DLGAP4: variants seen among roughly 807,000 people sequenced by gnomAD.
The protein encoded by DLGAP4 is disks large-associated protein 4.
A neutral mutation model predicts 86.9 loss-of-function variants in DLGAP4; 18 were observed. The ratio of observed to expected loss-of-function variants is 0.21; its 90% confidence interval spans 0.14 to 0.31. The LOEUF is 0.31. DLGAP4 is among the 10% of genes least tolerant of loss of function. The pLI is 1.00. For synonymous variants in DLGAP4, 548 were observed against 574.3 expected, an observed-to-expected ratio of 0.95 and a Z score of 0.65; for missense variants, 1,085 against 1,362.6, an observed-to-expected ratio of 0.80 and a Z score of 3.21.
intron 7 of DLGAP4, among the ~76,000 whole-genome samples, chr20:36,467,042 C>G (rs2034424965): frequency 7.6e-6 from 1 of 131,068 alleles, no homozygotes; most frequent in Non-Finnish European, 1.5e-5. Context: ...CTCTCTCTCT[C>G]TCTCTCTCTC....
intron 1 of DLGAP4, among the ~76,000 whole-genome samples, chr20:36,331,421 C>G (rs2065266919): frequency 1.3e-5 from 2 of 152,240 alleles, no homozygotes; most frequent in African/African-American, 4.8e-5. Flanking sequence ...TAATCCACCT[C>G]ATTACCTCCC....
At chr20:36,334,062 A>C (rs1240182753) in intron 1 of DLGAP4, among the ~76,000 whole-genome samples, 1 of 152,202 alleles carries the variant, frequency 6.6e-6, no homozygotes, top group African/African-American at 2.4e-5. Flanking sequence ...TTCAGCAAAC[A>C]CAGATTGAGC....
At chr20:36,508,121 C>T (rs568346543) in intron 10 of DLGAP4, 3 of 152,014 alleles carry the variant, frequency 2.0e-5, no homozygotes, top group Non-Finnish European at 2.9e-5. Flanking sequence ...AAGCCCAAGG[C>T]GGGGCTTCAG....
At chr20:36,421,622 G>GT (rs1224031164) in intron 2 of DLGAP4, among the ~76,000 whole-genome samples, 1 of 152,026 alleles carries the variant, frequency 6.6e-6, no homozygotes, top group Non-Finnish European at 1.5e-5. Context: ...AGGGAGACTT[G>GT]TTTTTACAGT....
At chr20:36,461,751 G>GGGC in intron 7 of DLGAP4, 6 of 618,808 alleles carry the variant, frequency 9.7e-6, no homozygotes, top group Non-Finnish European at 1.1e-5. Flanking sequence ...CCGTCCGTCC[G>GGGC]CCCGCCCGCC....
At chr20:36,312,213 A>G (rs1400552436) in intron 1 of DLGAP4, among the ~76,000 whole-genome samples, 1 of 152,178 alleles carries the variant, frequency 6.6e-6, no homozygotes, top group African/African-American at 2.4e-5. Context: ...CTCATCTCTC[A>G]GGCTTCTCAC....
intron 2 of DLGAP4, among the ~76,000 whole-genome samples, chr20:36,409,381 A>C (rs1284175654): frequency 6.8e-6 from 1 of 147,498 alleles, no homozygotes; most frequent in Non-Finnish European, 1.5e-5. Context: ...AGTAAAATAA[A>C]AAAAATTTTT....
intron 1 of DLGAP4, among the ~76,000 whole-genome samples, chr20:36,316,377 C>T (rs960179826): frequency 5.9e-5 from 9 of 152,082 alleles, no homozygotes; most frequent in African/African-American, 2.2e-4. Context: ...ATGCCCAGAA[C>T]CTTCCATGTC....
intron 7 of DLGAP4, among the ~76,000 whole-genome samples, chr20:36,494,441 A>C (rs2035795147): frequency 6.6e-6 from 1 of 152,242 alleles, no homozygotes; most frequent in Non-Finnish European, 1.5e-5. Context: ...ATTTTTAGAT[A>C]ATTGTAGATT....
chr20:36,505,436 G>C (rs1427746770), intron 10 of DLGAP4, among the ~76,000 whole-genome samples: 1 of 152,042 alleles, frequency 6.6e-6, no homozygotes, highest in Admixed American at 6.6e-5. Flanking sequence ...GTTTTGTGTG[G>C]GTAGGGCTTG....
chr20:36,509,613 TGTG>T (rs2036576466), intron 10 of DLGAP4, among the ~76,000 whole-genome samples: 1 of 151,866 alleles, frequency 6.6e-6, no homozygotes, highest in Admixed American at 6.6e-5. Flanking sequence ...AGCTGAGCAT[TGTG>T]GTGTACACCT....
chr20:36,448,017 C>T (rs2033643588), intron 7 of DLGAP4, among the ~76,000 whole-genome samples: 1 of 138,816 alleles, frequency 7.2e-6, no homozygotes, highest in African/African-American at 2.7e-5. Flanking sequence ...CGCATGTATA[C>T]CTTATTAAGT....
intron 10 of DLGAP4, among the ~76,000 whole-genome samples, chr20:36,503,966 T>C (rs1444080023): frequency 6.6e-6 from 1 of 152,244 alleles, no homozygotes; most frequent in African/African-American, 2.4e-5. Flanking sequence ...TTTGTACTTT[T>C]TGGCTATTAT....
At chr20:36,419,861 C>T (rs2032772443) in intron 2 of DLGAP4, among the ~76,000 whole-genome samples, 1 of 152,174 alleles carries the variant, frequency 6.6e-6, no homozygotes, top group African/African-American at 2.4e-5. Context: ...ATTGGTGACA[C>T]CGGTCAACCC....
At chr20:36,366,410 G>T (rs1048633475) in intron 1 of DLGAP4, among the ~76,000 whole-genome samples, 1 of 152,170 alleles carries the variant, frequency 6.6e-6, no homozygotes, top group Non-Finnish European at 1.5e-5. Flanking sequence ...CACCTGTTCA[G>T]GGGAAGTGGG....
Position 36,413,990 on chromosome 20 carries a change from T to C in DLGAP4, c.-72-17656T>C, listed in dbSNP as rs554065137. Among the ~76,000 whole-genome samples, 6 of 152,274 alleles carry C rather than the reference T, an allele frequency of 3.9e-5. No individual in the cohort carries two copies. In the South Asian group the frequency reaches 8.3e-4, roughly 21 times the overall value. On this transcript the variant is annotated intron_variant, in intron 2 of 12. Coordinates refer to ENST00000339266, the MANE Select transcript of DLGAP4 (RefSeq NM_001365621.2). ...GAGTGAGATTTATACCCAGGTCAAA[T>C]AGGGTCCAGACCTGTTCTCTTCCCC...
At position 36,317,223 on chromosome 20, in the gene DLGAP4, TTTTCTTTCTTTCTTTCTTTC is replaced by T. The variant is rs1229773592; in HGVS notation, c.-304+10746_-304+10765del. On this transcript the variant is annotated intron_variant, in intron 1 of 12. Transcript: ENST00000339266. The stretch of plus-strand genomic sequence containing the variant: ...CCCTCCTTCCTTCCTTCCTCTCCTT[TTTTCTTTCTTTCTTTCTTTC>T]TTTCTTTCTTTCTTTCTTTCTTTCT... Among the ~76,000 whole-genome samples, 215 of 93,770 alleles carry T rather than the reference TTTTCTTTCTTTCTTTCTTTC, an allele frequency of 2.3e-3. 1 individual carries two copies. Among genetic ancestry groups the T allele is most frequent in the African/African-American group, 5.5e-3 (137 of 24,932 alleles). The allele number at this position is 93,770 out of a possible 152,430, so 61.5% of individuals were successfully genotyped here.
At chr20:36,509,428 G>T (rs555455611) in intron 10 of DLGAP4, among the ~76,000 whole-genome samples, 1 of 151,882 alleles carries the variant, frequency 6.6e-6, no homozygotes, top group East Asian at 1.9e-4. Context: ...AAAATTAGCC[G>T]GGCGTGGTGG....
intron 10 of DLGAP4, among the ~76,000 whole-genome samples, chr20:36,513,869 G>A (rs1386940599): frequency 6.6e-6 from 1 of 152,180 alleles, no homozygotes; most frequent in Non-Finnish European, 1.5e-5. Context: ...GGGAAAGTCA[G>A]GAGTTTGGTT....
Sources: gnomAD v4.1 joint callset for allele counts (sites outside exome capture counted in the v4.1 genomes callset) on GRCh38, gnomAD v4.1.1 for gene constraint, MANE v1.5 for transcripts, NCBI Gene and HGNC (gene_info 2026-07-23, HGNC 2026-07-21) for gene names.